The following EPHA4 variants were observed in gnomAD, a reference collection of about 807,000 sequenced individuals.
EPHA4 encodes EPH receptor A4, also known as ephrin type-A receptor 4.
In EPHA4, 19 loss-of-function variants were observed where a neutral mutation model predicts 108.3. The observed-to-expected ratio is 0.18, with a 90% CI of 0.12 to 0.26. EPHA4 has a LOEUF of 0.26. Ranked by LOEUF, EPHA4 falls within the 10% of genes least tolerant of loss-of-function variation. The pLI is 1.00. For missense variants in EPHA4, 917 were observed against 1,254.0 expected, an observed-to-expected ratio of 0.73 and a Z score of 4.06; for synonymous variants, 449 against 455.5, an observed-to-expected ratio of 0.99 and a Z score of 0.18.
rs1005271558 is a variant in EPHA4, at chr2:221,552,806, G to A, written c.823+10925C>T. On this transcript the variant is annotated intron_variant, in intron 3 of 17. Transcript: ENST00000281821. ...TGAATTTTGATCGAGAAATTTGATC[G>A]AGTATTTTAAATGTCTAAAGCCTGT... Among the ~76,000 whole-genome samples, 3 of 152,102 alleles carry A rather than the reference G, an allele frequency of 2.0e-5. 1 individual carries two copies. Among genetic ancestry groups the A allele is most frequent in the South Asian group, 4.2e-4 (2 of 4,816 alleles).
At position 221,571,185 on chromosome 2, in the gene EPHA4, C is replaced by T. The variant is rs893729220; in HGVS notation, c.91+973G>A. Among the ~76,000 whole-genome samples, 3 of 148,888 alleles carry T rather than the reference C, an allele frequency of 2.0e-5. No homozygotes were observed. The highest frequency in any genetic ancestry group is 4.9e-5 in the African/African-American group (2 of 41,114). ...ACACACACGCAGACATGCACACACACGCAGACATGCACACACACCACACAT... is the reference window on the plus strand; with the variant it reads ...ACACACACGCAGACATGCACACACATGCAGACATGCACACACACCACACAT... On this transcript the variant is annotated intron_variant, in intron 1 of 17. Coordinates refer to ENST00000281821, the MANE Select transcript of EPHA4 (RefSeq NM_004438.5). This position sits in a 1 kb window ranked among gnomAD's most constrained non-coding sequence, Gnocchi z 6.3.
chr2:221,521,274 CTCTA>C (rs1288048577), intron 3 of EPHA4, among the ~76,000 whole-genome samples: 2 of 152,172 alleles, frequency 1.3e-5, no homozygotes, highest in African/African-American at 4.8e-5. Context: ...AGGAAGAAAG[CTCTA>C]TCTAAGACCA....
At position 221,461,238 on chromosome 2, in the gene EPHA4, C is replaced by T. The variant is rs1019258295; in HGVS notation, c.1319-3248G>A. On this transcript the variant is annotated intron_variant, in intron 5 of 17. Coordinates refer to ENST00000281821, the MANE Select transcript of EPHA4 (RefSeq NM_004438.5). Reference sequence around the variant, plus strand: ...TACATAATATCTCATCGGTGTGTTCCCTAAAATCATCTCTGATGCCACCAT... The same window carrying T: ...TACATAATATCTCATCGGTGTGTTCTCTAAAATCATCTCTGATGCCACCAT... Among the ~76,000 whole-genome samples the T allele has an allele frequency of 2.6e-5, 4 of 152,238 alleles. No individual in the cohort carries two copies. In the South Asian group the frequency reaches 8.3e-4, roughly 32 times the overall value.
In EPHA4 at chr2:221,568,077, T is replaced by C. The variant is rs373369242; in HGVS notation, c.159+641A>G. Among the ~76,000 whole-genome samples, 105 of 152,342 alleles carry C rather than the reference T, an allele frequency of 6.9e-4. 4 individuals are homozygous for C. The South Asian group carries it at 0.021, about 31-fold the overall frequency. ...AATTTGAGAATAAATGAAGTGATGC[T>C]TTTTTCAGACCTTATAATCCAGACT... On this transcript the variant is annotated intron_variant, in intron 2 of 17. Transcript: ENST00000281821.
At chr2:221,556,471 A>ATTTTTTT (rs1225934215) in intron 3 of EPHA4, among the ~76,000 whole-genome samples, 2 of 113,760 alleles carry the variant, frequency 1.8e-5, no homozygotes, top group African/African-American at 3.2e-5. Context: ...TAATTTTTGT[A>ATTTTTTT]TTTTTTTTTT....
intron 11 of EPHA4, among the ~76,000 whole-genome samples, chr2:221,439,954 G>C (rs1368645445): frequency 2.0e-5 from 3 of 152,112 alleles, no homozygotes; most frequent in African/African-American, 7.2e-5. Flanking sequence ...TCCCTAGTCG[G>C]ACTCTTGGCA....
chr2:221,558,822 T>G (rs1238627486), intron 3 of EPHA4, among the ~76,000 whole-genome samples: 2 of 152,158 alleles, frequency 1.3e-5, no homozygotes, highest in Non-Finnish European at 2.9e-5. Flanking sequence ...AAGAATTACA[T>G]TTTTTCAATG....
chr2:221,561,014 G>A (rs529129672), intron 3 of EPHA4, among the ~76,000 whole-genome samples: 7 of 152,096 alleles, frequency 4.6e-5, no homozygotes, highest in Non-Finnish European at 7.4e-5. Flanking sequence ...AGGCCAAGGC[G>A]GGTGGATCAC....
At position 221,434,191 on chromosome 2, in the gene EPHA4, T is replaced by C; in HGVS notation, c.2447A>G (p.Glu816Gly). Reference sequence around the variant, plus strand: ...GGGCCTCTCCCCGTACGACATCACTTCCCACATAACGATTCCATAGCTCCA... The same window carrying C: ...GGGCCTCTCCCCGTACGACATCACTCCCCACATAACGATTCCATAGCTCCA... ...DVWSYGIVMW[E>G]VMSYGERPYW... is the part of the protein sequence containing the mutation. The change falls in exon 14 of 18, where the codon GAA becomes GGA. Residue 816 changes from glutamate to glycine, a missense_variant. This residue lies in a region of EPHA4 where 758 missense variants were observed against 1,076.7 expected (regional missense o/e 0.70). Transcript: ENST00000281821. The C allele has an allele frequency of 6.2e-7, 1 of 1,614,180 alleles. No homozygotes were observed. The highest frequency in any genetic ancestry group is 1.1e-5 in the South Asian group (1 of 91,086).
At chr2:221,477,039 A>G (rs2106136230) in intron 5 of EPHA4, among the ~76,000 whole-genome samples, 1 of 134,800 alleles carries the variant, frequency 7.4e-6, no homozygotes, top group East Asian at 2.2e-4. Context: ...GTGTAATGCC[A>G]CTTTATTTTA....
At chr2:221,438,181 A>T (rs1439812479) in intron 11 of EPHA4, among the ~76,000 whole-genome samples, 1 of 149,350 alleles carries the variant, frequency 6.7e-6, no homozygotes. Context: ...CCCCCTACCT[A>T]TTTTTTTTTT....
intron 8 of EPHA4, among the ~76,000 whole-genome samples, chr2:221,448,898 A>G (rs1690681862): frequency 6.6e-6 from 1 of 152,220 alleles, no homozygotes; most frequent in Non-Finnish European, 1.5e-5. Context: ...TGCCCGGGAA[A>G]GCGTTTATCT....
chr2:221,438,034 G>T (rs1690300986), intron 11 of EPHA4, among the ~76,000 whole-genome samples: 1 of 152,128 alleles, frequency 6.6e-6, no homozygotes, highest in African/African-American at 2.4e-5. Flanking sequence ...ACTTGCTTTG[G>T]TCTGATTCCT....
chr2:221,454,617 G>A (rs952449291), intron 8 of EPHA4, among the ~76,000 whole-genome samples: 22 of 152,278 alleles, frequency 1.4e-4, no homozygotes, highest in African/African-American at 4.1e-4. Flanking sequence ...TGGGGATGCC[G>A]ATCAGGGAAG....
intron 3 of EPHA4, among the ~76,000 whole-genome samples, chr2:221,562,918 G>GA (rs963130646): frequency 7.7e-4 from 116 of 150,740 alleles, no homozygotes; most frequent in Non-Finnish European, 5.2e-4. Context: ...CCTGAGGTGA[G>GA]AAAAAAAAAT....
chr2:221,477,471 A>T (rs1691692287), intron 5 of EPHA4, among the ~76,000 whole-genome samples: 1 of 152,206 alleles, frequency 6.6e-6, no homozygotes, highest in African/African-American at 2.4e-5. Context: ...GTTGTGAATT[A>T]TAAGATGTTT....
At chr2:221,566,926 G>GAGA (rs1694670843) in intron 2 of EPHA4, among the ~76,000 whole-genome samples, 1 of 35,156 alleles carries the variant, frequency 2.8e-5, no homozygotes, top group Admixed American at 3.1e-4. Flanking sequence ...GAAGGAGAAG[G>GAGA]AGAAGGAGAA....
chr2:221,564,576 GT>G (rs144228279), intron 2 of EPHA4, among the ~76,000 whole-genome samples, 182 bp from the exon 3 acceptor site: 66 of 149,456 alleles, frequency 4.4e-4, no homozygotes, highest in African/African-American at 1.2e-3. Context: ...TATTGAGGAA[GT>G]TTTTTTTTTG....
chr2:221,564,625 A>G (rs750407669), intron 2 of EPHA4, among the ~76,000 whole-genome samples: 28 of 152,016 alleles, frequency 1.8e-4, no homozygotes, highest in Non-Finnish European at 3.8e-4. Context: ...TGAAATCCAG[A>G]GGCAATGGTG....
Sources: gnomAD v4.1 joint callset for allele counts (sites outside exome capture counted in the v4.1 genomes callset) on GRCh38, gnomAD v4.1.1 for gene constraint, gnomAD v4.1.1 regional missense constraint, Gnocchi (gnomAD v3.1) non-coding constraint, MANE v1.5 for transcripts, NCBI Gene and HGNC (gene_info 2026-07-23, HGNC 2026-07-21) for gene names.